Variants in GALNT9 observed in about 807,000 individuals in gnomAD.
GALNT9 encodes GalNAc transferase 9.
GALNT9 carries 47 observed loss-of-function variants against 63.1 expected under a neutral mutation model. The observed-to-expected ratio is 0.75, with a 90% CI of 0.59 to 0.95. The LOEUF is 0.95. GALNT9 is among the 40% of genes least tolerant of loss of function. The pLI, the probability that GALNT9 is intolerant of heterozygous loss-of-function variation, is 0.00. For missense variants in GALNT9, 829 were observed against 874.8 expected, an observed-to-expected ratio of 0.95 and a Z score of 0.66; for synonymous variants, 396 against 365.7, an observed-to-expected ratio of 1.08 and a Z score of -0.94.
At chr12:132,204,926 C>T (rs905115346) in intron 6 of GALNT9, among the ~76,000 whole-genome samples, 7 of 152,188 alleles carry the variant, frequency 4.6e-5, no homozygotes, top group Non-Finnish European at 1.0e-4. Context: ...ACTGTGCTTG[C>T]CTCATCTCCT....
At chr12:132,198,156 C>T (rs1007703535) in intron 9 of GALNT9, among the ~76,000 whole-genome samples, 197 bp from the exon 10 acceptor site, 7 of 152,214 alleles carry the variant, frequency 4.6e-5, no homozygotes, top group Non-Finnish European at 7.3e-5. Flanking sequence ...GGCTGGACGG[C>T]GCCCAAATGC....
intron 2 of GALNT9, among the ~76,000 whole-genome samples, chr12:132,272,481 TG>T (rs1458474471): frequency 6.6e-6 from 1 of 152,262 alleles, no homozygotes; most frequent in Non-Finnish European, 1.5e-5. Context: ...GCAGGTTGCT[TG>T]CACATTCTTT....
At chr12:132,299,709 G>T (rs1285801752) in intron 1 of GALNT9, among the ~76,000 whole-genome samples, 1 of 111,382 alleles carries the variant, frequency 9.0e-6, no homozygotes. Flanking sequence ...CCAAGCCACT[G>T]CTGAGATAAC....
rs560205931 is a variant in GALNT9 at position 132,327,200 on chromosome 12, A to C, written c.238+1766T>G. On this transcript the variant is annotated intron_variant, in intron 1 of 10. Coordinates refer to ENST00000328957, the MANE Select transcript of GALNT9 (RefSeq NM_001122636.2). The surrounding 1 kb of genome is among the most constrained non-coding windows in gnomAD (Gnocchi z 4.3). ...AAGGAGAAACAATTTTAAAAGAAAGAAAGGAGGAAGGGGGAGGGAAGCGAA... is the reference window on the plus strand; with the variant it reads ...AAGGAGAAACAATTTTAAAAGAAAGCAAGGAGGAAGGGGGAGGGAAGCGAA... 6.6e-6 allele frequency among the ~76,000 whole-genome samples: 1 copy of C among 151,778 alleles called. No individual in the cohort carries two copies. The highest frequency in any genetic ancestry group is 2.1e-4 in the South Asian group (1 of 4,742).
chr12:132,287,117 C>G (rs957386358), intron 1 of GALNT9, among the ~76,000 whole-genome samples: 2 of 136,500 alleles, frequency 1.5e-5, no homozygotes, highest in Non-Finnish European at 3.1e-5. Flanking sequence ...CGGGCAGCAT[C>G]GGCTCATCGA....
At chr12:132,272,299 G>A (rs1341930515) in intron 2 of GALNT9, among the ~76,000 whole-genome samples, 1 of 152,206 alleles carries the variant, frequency 6.6e-6, no homozygotes, top group Non-Finnish European at 1.5e-5. Context: ...GGCGGGACAG[G>A]GTCAGGGCAG....
At chr12:132,258,123 C>T (rs1451257267) in intron 4 of GALNT9, among the ~76,000 whole-genome samples, 2 of 152,196 alleles carry the variant, frequency 1.3e-5, no homozygotes, top group African/African-American at 4.8e-5. Context: ...GCCACTGGCC[C>T]CTGGGGGACG....
chr12:132,248,035 G>A lies in GALNT9; in HGVS notation c.960-8C>T. Reference sequence around the variant, plus strand: ...CCGATCATGGCTGGGGTCCTGGGAGGCAGAGACAGCGGCGTGAGGACCTCG... The same window carrying A: ...CCGATCATGGCTGGGGTCCTGGGAGACAGAGACAGCGGCGTGAGGACCTCG... On this transcript the variant is annotated splice_polypyrimidine_tract_variant and splice_region_variant and intron_variant, in intron 5 of 10. Coordinates refer to ENST00000328957, the MANE Select transcript of GALNT9 (RefSeq NM_001122636.2). 1 of 1,547,216 alleles carries A rather than the reference G, an allele frequency of 6.5e-7. No individual in the cohort carries two copies. Among genetic ancestry groups the A allele is most frequent in the Non-Finnish European group, 8.7e-7 (1 of 1,144,460 alleles).
At chr12:132,221,400 C>T (rs577944611) in intron 6 of GALNT9, among the ~76,000 whole-genome samples, 23 of 134,716 alleles carry the variant, frequency 1.7e-4, no homozygotes, top group Non-Finnish European at 3.2e-4. Context: ...ATGGCTCATG[C>T]CTGTAATCCC....
chr12:132,306,969 G>A (rs1490515306), intron 1 of GALNT9, among the ~76,000 whole-genome samples: 1 of 152,140 alleles, frequency 6.6e-6, no homozygotes, highest in Non-Finnish European at 1.5e-5. Context: ...GAGCGTGGCG[G>A]GGAATCTGAT....
chr12:132,227,003 C>A lies in GALNT9; in HGVS notation c.1077+20907G>T, dbSNP rs997672369. Among the ~76,000 whole-genome samples, 1,479 of 151,522 alleles carry A rather than the reference C, an allele frequency of 9.8e-3. 24 individuals carry two copies. Among genetic ancestry groups the A allele is most frequent in the African/African-American group, 0.034 (1,390 of 41,240 alleles). ...CACTGTACATACACACCCATCCCCC[C>A]CACACACATACATACACCCCATACA... On this transcript the variant is annotated intron_variant, in intron 6 of 10. Transcript: ENST00000328957.
chr12:132,197,832 T>G lies in GALNT9; in HGVS notation c.1625A>C (p.Asp542Ala), dbSNP rs747365699. 21 of 1,450,748 alleles carry G rather than the reference T, an allele frequency of 1.4e-5. No homozygotes were observed. Among genetic ancestry groups the G allele is most frequent in the Non-Finnish European group, 1.9e-5 (20 of 1,078,798 alleles). The allele number at this position is 1,450,748 out of a possible 1,614,324, so 89.9% of individuals were successfully genotyped here. Residue 542 changes from aspartate to alanine, a missense_variant, in exon 10 of 11, where the codon GAT (aspartate) becomes GCT (alanine). Asp to Ala is a moderately radical substitution (Grantham distance 126). Coordinates refer to ENST00000328957, the MANE Select transcript of GALNT9 (RefSeq NM_001122636.2). ...CAGCCGCTGTGTTGGCCGCGCCACA[T>G]CCTCACACTTCTTCAGGGTGGGCAT... ...GRMPTLKKCE[D>A]VARPTQRLWD...
intron 1 of GALNT9, among the ~76,000 whole-genome samples, chr12:132,295,293 G>A (rs1881012937): frequency 6.6e-6 from 1 of 152,232 alleles, no homozygotes; most frequent in Non-Finnish European, 1.5e-5. Context: ...CCCAGCGCCA[G>A]GCGCTGTGCA....
intron 6 of GALNT9, chr12:132,240,835 C>G: frequency 2.5e-6 from 1 of 399,022 alleles, no homozygotes; most frequent in Non-Finnish European, 5.0e-6. Context: ...TCCCTATACC[C>G]ATTACACACA....
chr12:132,196,600 C>T lies in GALNT9; in HGVS notation c.*507G>A, dbSNP rs769879395. ...CAGGTTTGTCGCTGTCCATGTCCTC[C>T]AGCACCCCTCTTACCAGACCACAAG... On this transcript the variant is annotated 3_prime_UTR_variant, in exon 11 of 11. Transcript: ENST00000328957. 2.7e-4 allele frequency: 270 copies of T among 987,952 alleles called. No individual in the cohort carries two copies. The highest frequency in any genetic ancestry group is 3.2e-4 in the Non-Finnish European group (262 of 831,744). 61.2% of individuals were successfully genotyped at this position (987,952 alleles called of 1,614,324 possible). A position where few individuals can be genotyped will look rare whatever the true frequency, so the allele number is the denominator to read the frequency against.
intron 6 of GALNT9, among the ~76,000 whole-genome samples, chr12:132,217,808 A>G (rs1877279504): frequency 6.7e-6 from 1 of 148,264 alleles, no homozygotes; most frequent in South Asian, 2.2e-4. Context: ...CCATCCGTCC[A>G]TTCACCCATC....
At chr12:132,240,669 T>G (rs2136899156) in intron 6 of GALNT9, 1 of 456,012 alleles carries the variant, frequency 2.2e-6, no homozygotes, top group Admixed American at 2.3e-5. Flanking sequence ...TCTGCCGTGT[T>G]TTTCTTCCTC....
chr12:132,300,933 C>T (rs1395498906), intron 1 of GALNT9, among the ~76,000 whole-genome samples: 1 of 152,280 alleles, frequency 6.6e-6, no homozygotes, highest in Non-Finnish European at 1.5e-5. Context: ...AGACCTCTCT[C>T]AATGCCATGG....
chr12:132,250,555 C>T (rs1274993657), intron 5 of GALNT9, among the ~76,000 whole-genome samples: 2 of 152,186 alleles, frequency 1.3e-5, no homozygotes, highest in East Asian at 1.9e-4. Flanking sequence ...TTTGGGATGC[C>T]AAGGCAGGCA....
Sources: allele counts gnomAD v4.1 joint callset (sites outside exome capture counted in the v4.1 genomes callset), GRCh38; gene constraint gnomAD v4.1.1; non-coding constraint Gnocchi (gnomAD v3.1); transcripts MANE v1.5; gene names NCBI Gene and HGNC (gene_info 2026-07-23, HGNC 2026-07-21).